CADPS: variants seen among roughly 807,000 people sequenced by gnomAD.
CADPS encodes the protein calcium-dependent secretion activator 1.
In CADPS, 57 loss-of-function variants were observed where a neutral mutation model predicts 167.3. The observed-to-expected ratio is 0.34, with a 90% CI of 0.28 to 0.42. The LOEUF is 0.42. Among genes scored for constraint, CADPS ranks in the 20% least tolerant of loss-of-function variants. The pLI is 1.00. For synonymous variants in CADPS, 676 were observed against 635.3 expected, an observed-to-expected ratio of 1.06 and a Z score of -0.96; for missense variants, 1,414 against 1,738.1, an observed-to-expected ratio of 0.81 and a Z score of 3.32.
At chr3:62,407,036 G>A (rs1000797999) in intron 28 of CADPS, among the ~76,000 whole-genome samples, 9 of 151,996 alleles carry the variant, frequency 5.9e-5, no homozygotes, top group African/African-American at 1.9e-4. Flanking sequence ...TTTTCTGATG[G>A]GTAAATGAAA....
intron 4 of CADPS, among the ~76,000 whole-genome samples, chr3:62,654,580 G>C (rs1419499121): frequency 6.6e-6 from 1 of 152,166 alleles, no homozygotes; most frequent in African/African-American, 2.4e-5. Context: ...TTGGAATATG[G>C]CCTCTCTGGA....
chr3:62,704,571 T>A, intron 3 of CADPS, among the ~76,000 whole-genome samples: 1 of 152,176 alleles, frequency 6.6e-6, no homozygotes, highest in South Asian at 2.1e-4. Context: ...GCTGGCTTCC[T>A]TTCTTCTGCC....
intron 3 of CADPS, among the ~76,000 whole-genome samples, chr3:62,748,371 A>AAAAAAAAAAAAAAAC (rs2081994102): frequency 6.9e-6 from 1 of 144,532 alleles, no homozygotes; most frequent in Non-Finnish European, 1.5e-5. Context: ...AAAAAAAAAA[A>AAAAAAAAAAAAAAAC]AATTAAGATG....
At chr3:62,599,839 A>T (rs868738983) in intron 6 of CADPS, among the ~76,000 whole-genome samples, 3 of 2,418 alleles carry the variant, frequency 1.2e-3, no homozygotes, top group South Asian at 0.038. Context: ...TATATAATAT[A>T]TTATATATAT....
At chr3:62,711,345 T>C (rs941799953) in intron 3 of CADPS, among the ~76,000 whole-genome samples, 2 of 152,216 alleles carry the variant, frequency 1.3e-5, no homozygotes, top group Non-Finnish European at 2.9e-5. Flanking sequence ...ATATAAATGT[T>C]TCTGCTAGTA....
intron 3 of CADPS, among the ~76,000 whole-genome samples, chr3:62,704,297 A>C (rs867910301): frequency 2.6e-5 from 4 of 152,136 alleles, no homozygotes; most frequent in African/African-American, 9.7e-5. Context: ...CATTACCCTC[A>C]CAGAATATTC....
At chr3:62,677,680 A>G (rs182256351) in intron 3 of CADPS, among the ~76,000 whole-genome samples, 1 of 152,114 alleles carries the variant, frequency 6.6e-6, no homozygotes. Context: ...TGCCCTGACA[A>G]CATTTGATTA....
intron 1 of CADPS, among the ~76,000 whole-genome samples, chr3:62,799,344 C>T (rs563608468): frequency 7.0e-4 from 106 of 152,242 alleles, no homozygotes; most frequent in African/African-American, 2.5e-3. Context: ...TGTGCTCTAA[C>T]TCTGGAGGCA....
intron 13 of CADPS, among the ~76,000 whole-genome samples, chr3:62,519,925 G>A (rs538940992): frequency 6.6e-6 from 1 of 152,162 alleles, no homozygotes; most frequent in African/African-American, 2.4e-5. Flanking sequence ...ACTTCCTTAA[G>A]CTGTGGTTTT....
chr3:62,727,838 T>A (rs558449082), intron 3 of CADPS, among the ~76,000 whole-genome samples: 1 of 151,968 alleles, frequency 6.6e-6, no homozygotes, highest in South Asian at 2.1e-4. Flanking sequence ...CTTAGCTCAC[T>A]TATACCCAGA....
chr3:62,491,387 G>A lies in CADPS; in HGVS notation c.2978C>T (p.Ala993Val). ...RYVDLMESSI[A>V]QSIHRGFERE... is the part of the protein sequence containing the mutation. ...CTCAAAGCCCCTGTGAATGGATTGT[G>A]CAATTGAGGACTCCATCAGATCCAC... The change falls in exon 21 of 30, where the codon GCA becomes GTA. Residue 993 changes from alanine (A) to valine (V), a missense_variant. Ala to Val is a moderately conservative substitution (Grantham distance 64, BLOSUM62 0). Transcript: ENST00000383710. The A allele has an allele frequency of 6.2e-7, 1 of 1,614,166 alleles. No homozygotes were observed. Among genetic ancestry groups the A allele is most frequent in the Non-Finnish European group, 8.5e-7 (1 of 1,179,994 alleles).
chr3:62,707,330 C>A (rs1051579680), intron 3 of CADPS, among the ~76,000 whole-genome samples: 1 of 152,134 alleles, frequency 6.6e-6, no homozygotes, highest in Non-Finnish European at 1.5e-5. Flanking sequence ...TCCCCTGCAA[C>A]CCCGGGTCTG....
rs1042857447 is a variant in CADPS, at chr3:62,438,497, A to T, written c.3670-286T>A. ...TTTTCCTGGCAAATTTATCTAATGG[A>T]TAAATCTTTACTGCATAACCCATAG... On this transcript the variant is annotated intron_variant, in intron 27 of 29. Coordinates refer to ENST00000383710, the MANE Select transcript of CADPS (RefSeq NM_003716.4). The surrounding 1 kb of genome is among the most constrained non-coding windows in gnomAD (Gnocchi z 4.7). 1.9e-5 allele frequency: 7 copies of T among 362,408 alleles called. No individual in the cohort carries two copies. The Admixed American group carries it at 3.1e-4, about 16-fold the overall frequency. The allele number at this position is 362,408 out of a possible 1,614,324, so 22.4% of individuals were successfully genotyped here. A position where few individuals can be genotyped will look rare whatever the true frequency, so the allele number is the denominator to read the frequency against.
At chr3:62,551,035 A>AC in intron 10 of CADPS, 1 of 419,206 alleles carries the variant, frequency 2.4e-6, no homozygotes, top group Non-Finnish European at 4.8e-6. Context: ...CCTTAGAAGC[A>AC]CCCTCTCTCA....
At chr3:62,836,404 A>G (rs780345871) in intron 1 of CADPS, among the ~76,000 whole-genome samples, 4 of 152,174 alleles carry the variant, frequency 2.6e-5, no homozygotes, top group Non-Finnish European at 5.9e-5. Flanking sequence ...GGACCAGGCA[A>G]TAAAAATAAG....
At chr3:62,516,520 T>C in intron 15 of CADPS, 60 bp downstream of exon 15, 1 of 1,302,868 alleles carries the variant, frequency 7.7e-7, no homozygotes, top group Admixed American at 2.2e-5. Context: ...AAACATTTCA[T>C]TACAATTATG....
intron 13 of CADPS, among the ~76,000 whole-genome samples, chr3:62,526,139 A>G (rs2072141167): frequency 6.6e-6 from 1 of 152,176 alleles, no homozygotes; most frequent in African/African-American, 2.4e-5. Context: ...GAGAAAAGTG[A>G]GTTCCATTTG....
intron 6 of CADPS, among the ~76,000 whole-genome samples, chr3:62,614,694 T>TAC (rs1183367654): frequency 6.6e-6 from 1 of 152,068 alleles, no homozygotes; most frequent in Non-Finnish European, 1.5e-5. Flanking sequence ...TGTATATGCA[T>TAC]ATAATGTGTA....
chr3:62,855,910 G>T (rs1447528739), intron 1 of CADPS, among the ~76,000 whole-genome samples: 5 of 152,054 alleles, frequency 3.3e-5, no homozygotes, highest in Non-Finnish European at 5.9e-5. Context: ...TTTTATTGTA[G>T]TTTTGCCCAA....
Sources: allele counts gnomAD v4.1 joint callset (sites outside exome capture counted in the v4.1 genomes callset), GRCh38; gene constraint gnomAD v4.1.1; non-coding constraint Gnocchi (gnomAD v3.1); transcripts MANE v1.5; gene names NCBI Gene and HGNC (gene_info 2026-07-23, HGNC 2026-07-21).